PTPRA: variants seen among roughly 807,000 people sequenced by gnomAD.
The protein encoded by PTPRA is protein tyrosine phosphatase receptor type A.
PTPRA carries 25 observed loss-of-function variants against 104.8 expected under a neutral mutation model. The observed-to-expected ratio is 0.24, with a 90% CI of 0.17 to 0.33. PTPRA has a LOEUF of 0.33. Among genes scored for constraint, PTPRA ranks in the 10% least tolerant of loss-of-function variants. The pLI is 1.00. For synonymous variants in PTPRA, 323 were observed against 368.9 expected (o/e 0.88, Z 1.43); for missense variants, 765 against 1,015.3 (o/e 0.75, Z 3.35).
rs113981701 is a variant in PTPRA at position 2,923,672 on chromosome 20, G to C, written c.-50+387G>C. On this transcript the variant is annotated intron_variant, in intron 2 of 23. Transcript: ENST00000399903. ...AAATTAGCCAGATGTGGTGGCATGT[G>C]CCTGTAATCCCAGCTACTCGGGAGG... 1.9e-3 allele frequency among the ~76,000 whole-genome samples: 290 copies of C among 152,152 alleles called. 1 individual carries two copies. The highest frequency in any genetic ancestry group is 3.6e-3 in the Non-Finnish European group (246 of 68,018).
In PTPRA at chr20:3,038,459, G is replaced by A. The variant is rs551350514; in HGVS notation, c.*326G>A. 195 of 261,818 alleles carry A rather than the reference G, an allele frequency of 7.4e-4. No homozygotes were observed. Among genetic ancestry groups the A allele is most frequent in the Admixed American group, 2.8e-3 (54 of 19,126 alleles). The allele number at this position is 261,818 out of a possible 1,614,324, so 16.2% of individuals were successfully genotyped here. A position where few individuals can be genotyped will look rare whatever the true frequency, so the allele number is the denominator to read the frequency against. ...ACACAAAATCCATTCCAGGTAGCTC[G>A]GCACCAACTAAGAAAAAAAGCACAA... On this transcript the variant is annotated 3_prime_UTR_variant, in exon 24 of 24. Transcript: ENST00000399903.
At chr20:2,990,702 G>A (rs950707972) in intron 9 of PTPRA, among the ~76,000 whole-genome samples, 5 of 152,144 alleles carry the variant, frequency 3.3e-5, no homozygotes, top group African/African-American at 4.8e-5. Flanking sequence ...CTGCACCCCA[G>A]CCTGGACAAC....
In PTPRA at chr20:3,037,241, G is replaced by A; in HGVS notation, c.2286G>A (p.Gln762=). 6.2e-7 allele frequency: 1 copy of A among 1,614,236 alleles called. No individual in the cohort carries two copies. Residue 762 remains glutamine, a synonymous_variant, in exon 23 of 24, where the codon CAG becomes CAA. Transcript: ENST00000399903. This position sits in a 1 kb window ranked among gnomAD's most constrained non-coding sequence, Gnocchi z 4.3. ...VKAEGILDVF[Q]TVKSLRLQRP... ...CAGAGGGGATTTTGGATGTCTTCCA[G>A]ACTGTCAAGAGCCTGCGGCTACAGA...
At chr20:2,881,440 T>C (rs2090044443) in intron 1 of PTPRA, among the ~76,000 whole-genome samples, 1 of 152,188 alleles carries the variant, frequency 6.6e-6, no homozygotes, top group Non-Finnish European at 1.5e-5. Context: ...TTTGCAGTGA[T>C]GTTTAAAGAT....
At chr20:2,948,137 G>A (rs534416433) in intron 3 of PTPRA, 113 bp downstream of exon 3, 5 of 444,680 alleles carry the variant, frequency 1.1e-5, no homozygotes, top group Admixed American at 1.1e-4. Flanking sequence ...CTGGGGTGGG[G>A]GTGCATAGTA....
In PTPRA at chr20:3,035,643, T is replaced by A; in HGVS notation, c.1979T>A (p.Val660Glu). ...CTGGTGTCCTATGGAGATATTACAG[T>A]GGAACTGAAGAAGGAGGAGGAATGT... The part of the protein sequence containing the change: ...DGLVSYGDIT[V>E]ELKKEEECES... The change falls in exon 21 of 24, where the codon GTG becomes GAG. Residue 660 changes from valine to glutamate, a missense_variant. Around this residue, in one of 4 missense-constraint regions of PTPRA, gnomAD observed 192 missense variants for 227.0 expected, o/e 0.85. Coordinates refer to ENST00000399903, the MANE Select transcript of PTPRA (RefSeq NM_001385305.1). The surrounding 1 kb of genome is among the most constrained non-coding windows in gnomAD (Gnocchi z 5.8). 6.2e-7 allele frequency: 1 copy of A among 1,613,894 alleles called. No individual in the cohort carries two copies. The highest frequency in any genetic ancestry group is 1.1e-5 in the South Asian group (1 of 91,062).
chr20:2,997,901 G>A (rs1178406259), intron 9 of PTPRA, among the ~76,000 whole-genome samples: 2 of 152,190 alleles, frequency 1.3e-5, no homozygotes, highest in South Asian at 2.1e-4. Flanking sequence ...AAGCCAATGC[G>A]GGAAGATTGA....
chr20:2,964,614 A>G (rs1234914556), intron 4 of PTPRA, among the ~76,000 whole-genome samples: 3 of 152,176 alleles, frequency 2.0e-5, no homozygotes, highest in Non-Finnish European at 2.9e-5. Context: ...TTACAACTCT[A>G]TATATGGTTT....
intron 11 of PTPRA, among the ~76,000 whole-genome samples, chr20:3,014,441 C>T (rs2064335415): frequency 6.6e-6 from 1 of 152,108 alleles, no homozygotes; most frequent in South Asian, 2.1e-4. Flanking sequence ...AATTCGAGAG[C>T]AGCGTGGCCA....
chr20:2,989,005 C>T (rs565238622), intron 9 of PTPRA, among the ~76,000 whole-genome samples: 7 of 152,284 alleles, frequency 4.6e-5, no homozygotes, highest in East Asian at 1.9e-4. Context: ...TGGGAAATGA[C>T]GACCATGGGA....
intron 9 of PTPRA, among the ~76,000 whole-genome samples, chr20:2,994,290 CCAGG>C (rs888309878): frequency 4.4e-4 from 67 of 152,174 alleles, no homozygotes; most frequent in African/African-American, 1.6e-3. Flanking sequence ...CTGAAATGAC[CCAGG>C]CCTACGAGTT....
At chr20:2,998,681 CA>C (rs2063502875) in intron 9 of PTPRA, among the ~76,000 whole-genome samples, 1 of 152,120 alleles carries the variant, frequency 6.6e-6, no homozygotes, top group Non-Finnish European at 1.5e-5. Context: ...CTCTAGTGTT[CA>C]GTCACTGGTG....
upstream of PTPRA, among the ~76,000 whole-genome samples, chr20:2,869,200 C>T (rs1421071137): frequency 6.6e-6 from 1 of 152,214 alleles, no homozygotes; most frequent in African/African-American, 2.4e-5. Flanking sequence ...ATCTGTTCAT[C>T]TATCCATTCC....
intron 5 of PTPRA, among the ~76,000 whole-genome samples, chr20:2,965,749 A>G (rs1027026158): frequency 2.0e-5 from 3 of 152,220 alleles, no homozygotes; most frequent in Non-Finnish European, 2.9e-5. Flanking sequence ...CAGGGGTGGC[A>G]TCAGGCTCTG....
intron 1 of PTPRA, among the ~76,000 whole-genome samples, chr20:2,889,325 A>C (rs941508465): frequency 3.9e-5 from 6 of 152,188 alleles, no homozygotes; most frequent in African/African-American, 1.4e-4. Flanking sequence ...TTACTTAGTG[A>C]ATTAAATTTC....
chr20:2,894,547 A>G (rs2058919352), intron 1 of PTPRA, among the ~76,000 whole-genome samples: 1 of 151,008 alleles, frequency 6.6e-6, no homozygotes, highest in East Asian at 1.9e-4. Flanking sequence ...GGCTCAAGTG[A>G]TCTTCCAGCC....
intron 1 of PTPRA, among the ~76,000 whole-genome samples, chr20:2,882,685 CAT>C (rs989226278): frequency 7.9e-5 from 12 of 152,120 alleles, no homozygotes; most frequent in Admixed American, 7.9e-4. Flanking sequence ...CTGGAGAAGA[CAT>C]ATTTTTAATA....
At chr20:2,912,978 AAATAC>A (rs1425236948) in intron 1 of PTPRA, among the ~76,000 whole-genome samples, 1 of 152,202 alleles carries the variant, frequency 6.6e-6, no homozygotes, top group Non-Finnish European at 1.5e-5. Flanking sequence ...ATTTTGAAAT[AAATAC>A]ATGTACAGAA....
chr20:2,866,108 T>C, the PTPRA span: 7 of 969,164 alleles, frequency 7.2e-6, no homozygotes, highest in Middle Eastern at 2.2e-4. Context: ...TGTATACATA[T>C]AGAATATATA....
Sources: gnomAD v4.1 joint callset for allele counts (sites outside exome capture counted in the v4.1 genomes callset) on GRCh38, gnomAD v4.1.1 for gene constraint, gnomAD v4.1.1 regional missense constraint, Gnocchi (gnomAD v3.1) non-coding constraint, MANE v1.5 for transcripts, NCBI Gene and HGNC (gene_info 2026-07-23, HGNC 2026-07-21) for gene names.